CSMD1: variants seen among roughly 807,000 people sequenced by gnomAD.
CSMD1 encodes CUB and sushi domain-containing protein 1.
In CSMD1, 213 loss-of-function variants were observed where a neutral mutation model predicts 417.5. The ratio of observed to expected loss-of-function variants is 0.51; its 90% CI spans 0.46 to 0.57. CSMD1 has a LOEUF of 0.57. CSMD1 is among the 20% of genes least tolerant of loss of function. The probability of loss-of-function intolerance (pLI) is 0.00; values close to 1 mark genes in which losing one functional copy is unlikely to be tolerated. For missense variants in CSMD1, 6,923 were observed against 4,529.7 expected (o/e 1.53, Z -15.17); for synonymous variants, 2,862 against 1,736.8 (o/e 1.65, Z -16.11).
intron 7 of CSMD1, among the ~76,000 whole-genome samples, chr8:3,618,724 G>C (rs10107351): frequency 6.6e-6 from 1 of 152,022 alleles, no homozygotes; most frequent in African/African-American, 2.4e-5. Context: ...AAAAAAATCT[G>C]TAACAACCAA....
In CSMD1 at chr8:4,141,801, T is replaced by C. The variant is rs79995261; in HGVS notation, c.416-109702A>G. Among the ~76,000 whole-genome samples the C allele has an allele frequency of 3.6e-4, 54 of 151,232 alleles. No individual in the cohort carries two copies. The East Asian group carries it at 8.7e-3, about 24-fold the overall frequency. On this transcript the variant is annotated intron_variant, in intron 3 of 69. Transcript: ENST00000635120. ...AGTGAAACATATTGTGAACTCTATT[T>C]TACAATGACTAACTGAACATATAAT...
intron 5 of CSMD1, among the ~76,000 whole-genome samples, chr8:3,774,076 G>A (rs1273621619): frequency 6.6e-6 from 1 of 152,148 alleles, no homozygotes; most frequent in Admixed American, 6.5e-5. Context: ...TACAGGCTGA[G>A]TCATGCAGCT....
At chr8:3,880,752 A>T (rs79065410) in intron 5 of CSMD1, among the ~76,000 whole-genome samples, 1 of 152,206 alleles carries the variant, frequency 6.6e-6, no homozygotes, top group Non-Finnish European at 1.5e-5. Flanking sequence ...TTATACAGCT[A>T]TTATCCAAAA....
At chr8:4,668,548 C>A (rs1691886942) in intron 1 of CSMD1, among the ~76,000 whole-genome samples, 1 of 151,424 alleles carries the variant, frequency 6.6e-6, no homozygotes, top group Admixed American at 6.6e-5. Context: ...CTCCCTGGTT[C>A]ACGCCATTCT....
chr8:4,148,318 T>C (rs1390584940), intron 3 of CSMD1, among the ~76,000 whole-genome samples: 2 of 127,184 alleles, frequency 1.6e-5, no homozygotes, highest in Non-Finnish European at 3.1e-5. Flanking sequence ...AATTGAACAA[T>C]GAGAACACAT....
chr8:4,764,458 C>T (rs11984863), intron 1 of CSMD1, among the ~76,000 whole-genome samples: 7 of 152,156 alleles, frequency 4.6e-5, no homozygotes, highest in Middle Eastern at 3.4e-3. Flanking sequence ...TTTACGTTAT[C>T]GTCTGTATTC....
chr8:4,146,233 A>C (rs1382404337), intron 3 of CSMD1, among the ~76,000 whole-genome samples: 1 of 151,006 alleles, frequency 6.6e-6, no homozygotes, highest in East Asian at 1.9e-4. Context: ...ACTTGGAGAA[A>C]ACCTCTCCCA....
chr8:3,900,371 G>A (rs75118763), intron 5 of CSMD1, among the ~76,000 whole-genome samples: 5 of 151,498 alleles, frequency 3.3e-5, no homozygotes, highest in Non-Finnish European at 4.4e-5. Flanking sequence ...GCACAGCTGT[G>A]TGACAGTGCA....
Position 3,694,779 on chromosome 8 carries a change from C to G in CSMD1, c.1009+13635G>C, listed in dbSNP as rs535027746. Among the ~76,000 whole-genome samples the G allele has an allele frequency of 2.4e-4, 37 of 151,710 alleles. No individual in the cohort carries two copies. The South Asian group carries it at 5.6e-3, about 23-fold the overall frequency. ...CCAAAAAAGAAGTGGAAAGAGCGGTCCAAGCAGAAGTAACAGAAAGTGCAG... is the reference window on the plus strand; with the variant it reads ...CCAAAAAAGAAGTGGAAAGAGCGGTGCAAGCAGAAGTAACAGAAAGTGCAG... On this transcript the variant is annotated intron_variant, in intron 7 of 69. Transcript: ENST00000635120.
At chr8:4,697,508 G>C (rs192945190) in intron 1 of CSMD1, among the ~76,000 whole-genome samples, 1 of 152,104 alleles carries the variant, frequency 6.6e-6, no homozygotes, top group African/African-American at 2.4e-5. Flanking sequence ...GCTTTAGGTG[G>C]AATTCTATGT....
chr8:4,060,582 G>A (rs908286655), intron 3 of CSMD1, among the ~76,000 whole-genome samples: 3 of 152,192 alleles, frequency 2.0e-5, no homozygotes, highest in African/African-American at 7.2e-5. Context: ...CCAGGGGAAG[G>A]TCATTCTGGG....
chr8:4,969,170 G>C (rs763154655), intron 1 of CSMD1, among the ~76,000 whole-genome samples: 2 of 152,092 alleles, frequency 1.3e-5, no homozygotes, highest in Non-Finnish European at 2.9e-5. Flanking sequence ...TCATGGGATT[G>C]CGTGTGTGCG....
chr8:4,986,727 AAAG>A (rs1417888078), intron 1 of CSMD1, among the ~76,000 whole-genome samples: 1 of 152,214 alleles, frequency 6.6e-6, no homozygotes, highest in Non-Finnish European at 1.5e-5. Flanking sequence ...CTATTAAAAA[AAAG>A]AAGATTAGAC....
At chr8:4,063,968 G>T (rs971213221) in intron 3 of CSMD1, among the ~76,000 whole-genome samples, 1 of 152,120 alleles carries the variant, frequency 6.6e-6, no homozygotes, top group African/African-American at 2.4e-5. Context: ...TAAACAAAAA[G>T]AGAGTGTGTG....
chr8:3,506,185 C>A (rs979393731), intron 10 of CSMD1, among the ~76,000 whole-genome samples: 1 of 152,108 alleles, frequency 6.6e-6, no homozygotes, highest in Non-Finnish European at 1.5e-5. Flanking sequence ...ACTCTGAACA[C>A]CCCCAGCCCC....
At chr8:4,331,231 C>T (rs1178567201) in intron 3 of CSMD1, among the ~76,000 whole-genome samples, 1 of 152,118 alleles carries the variant, frequency 6.6e-6, no homozygotes, top group African/African-American at 2.4e-5. Context: ...AGGTGAGTCC[C>T]TGTGGGAACC....
chr8:3,407,658 A>G (rs12543952), intron 14 of CSMD1, among the ~76,000 whole-genome samples: 1,873 of 152,248 alleles, frequency 0.012, 45 homozygotes, highest in East Asian at 0.094. Flanking sequence ...TAAGGAGATG[A>G]AAGAGAGAGG....
intron 1 of CSMD1, among the ~76,000 whole-genome samples, chr8:4,893,524 T>A (rs960817992): frequency 1.3e-5 from 2 of 152,170 alleles, no homozygotes; most frequent in African/African-American, 4.8e-5. Flanking sequence ...TTTACCCACT[T>A]TGAATAATAA....
At chr8:4,387,714 T>C (rs1387108491) in intron 3 of CSMD1, among the ~76,000 whole-genome samples, 3 of 152,124 alleles carry the variant, frequency 2.0e-5, no homozygotes, top group African/African-American at 4.8e-5. Flanking sequence ...AATAGTACTT[T>C]ATTTTAGCTA....
Sources: gnomAD v4.1 joint callset for allele counts (sites outside exome capture counted in the v4.1 genomes callset) on GRCh38, gnomAD v4.1.1 for gene constraint, MANE v1.5 for transcripts, NCBI Gene and HGNC (gene_info 2026-07-23, HGNC 2026-07-21) for gene names.